Variants in RASGRF2 observed in about 807,000 individuals in gnomAD.
RASGRF2 encodes Ras protein specific guanine nucleotide releasing factor 2.
RASGRF2 carries 76 observed loss-of-function variants against 151.0 expected under a neutral mutation model. The observed-to-expected ratio is 0.50, with a 90% CI of 0.42 to 0.61. The LOEUF (loss-of-function observed/expected upper bound fraction) is 0.61. Among genes scored for constraint, RASGRF2 ranks in the 20% least tolerant of loss-of-function variants. The pLI is 0.00. For missense variants in RASGRF2, 1,148 were observed against 1,564.6 expected (o/e 0.73, Z 4.49); for synonymous variants, 504 against 566.5 (o/e 0.89, Z 1.57).
At chr5:81,049,686 A>G (rs1245692049) in intron 2 of RASGRF2, among the ~76,000 whole-genome samples, 1 of 152,090 alleles carries the variant, frequency 6.6e-6, no homozygotes, top group African/African-American at 2.4e-5. Context: ...ATACCATGCT[A>G]TGTGCATGAT....
chr5:81,085,563 T>C (rs545012311), intron 7 of RASGRF2, among the ~76,000 whole-genome samples: 1 of 152,370 alleles, frequency 6.6e-6, no homozygotes, highest in African/African-American at 2.4e-5. Context: ...CATCTCTTTG[T>C]ACCATAACAC....
intron 1 of RASGRF2, among the ~76,000 whole-genome samples, chr5:81,006,131 T>C (rs543025159): frequency 4.3e-4 from 65 of 152,364 alleles, no homozygotes; most frequent in Middle Eastern, 3.4e-3. Context: ...TAAAAATAAA[T>C]CTTTAAAAAT....
chr5:81,036,161 CT>C (rs1192069926), intron 1 of RASGRF2, among the ~76,000 whole-genome samples: 1 of 151,948 alleles, frequency 6.6e-6, no homozygotes, highest in African/African-American at 2.4e-5. Context: ...TCATTTTGGT[CT>C]TTTTTCTTTT....
In RASGRF2 at chr5:81,012,243, G is replaced by T. The variant is rs13176380; in HGVS notation, c.289-30634G>T. Among the ~76,000 whole-genome samples the T allele has an allele frequency of 1.4e-3, 206 of 152,016 alleles. 1 individual carries two copies. Among genetic ancestry groups the T allele is most frequent in the Middle Eastern group, 0.01 (3 of 294 alleles). On this transcript the variant is annotated intron_variant, in intron 1 of 26. Coordinates refer to ENST00000265080, the MANE Select transcript of RASGRF2 (RefSeq NM_006909.3). ...ATTTTTTTCTTGACCTTATTTACTT[G>T]GGTATGATGCTATCTGCCAGAGCTC...
chr5:81,036,679 TA>T (rs1750508426), intron 1 of RASGRF2, among the ~76,000 whole-genome samples: 1 of 152,158 alleles, frequency 6.6e-6, no homozygotes, highest in Non-Finnish European at 1.5e-5. Context: ...AATTTTTTTT[TA>T]ATCCCTAGTG....
chr5:81,031,312 T>G (rs1490167351), intron 1 of RASGRF2, among the ~76,000 whole-genome samples: 2 of 152,188 alleles, frequency 1.3e-5, no homozygotes, highest in Non-Finnish European at 2.9e-5. Context: ...AATAGACATC[T>G]ACAGAACTCT....
rs755408367 is a variant in RASGRF2, at chr5:81,180,157, GTTTC to G, written c.2687-14_2687-11del. 27 of 1,484,242 alleles carry G rather than the reference GTTTC, an allele frequency of 1.8e-5. 1 individual carries two copies. Among genetic ancestry groups the G allele is most frequent in the Middle Eastern group, 3.4e-4 (2 of 5,842 alleles). The allele number at this position is 1,484,242 out of a possible 1,614,324, so 91.9% of individuals were successfully genotyped here. On this transcript the variant is annotated splice_polypyrimidine_tract_variant and intron_variant, in intron 17 of 26. Transcript: ENST00000265080. The stretch of plus-strand genomic sequence containing the variant: ...GTGGCTTTAACTGCAACACGTGTGT[GTTTC>G]TTTTTCTCCTAAGGCTTTAACAACA...
At chr5:81,052,049 T>C (rs113922552) in intron 2 of RASGRF2, among the ~76,000 whole-genome samples, 95 of 152,362 alleles carry the variant, frequency 6.2e-4, no homozygotes, top group African/African-American at 2.2e-3. Context: ...TAATCTATTC[T>C]TGTTGAATTA....
chr5:81,006,703 A>T (rs1001149439), intron 1 of RASGRF2, among the ~76,000 whole-genome samples: 1 of 151,960 alleles, frequency 6.6e-6, no homozygotes, highest in South Asian at 2.1e-4. Context: ...CCCTTTCCCC[A>T]CTTCTCCGTC....
chr5:81,093,889 C>A (rs1053949843), intron 10 of RASGRF2, among the ~76,000 whole-genome samples: 1 of 152,000 alleles, frequency 6.6e-6, no homozygotes, highest in African/African-American at 2.4e-5. Context: ...AAAAAGTTTG[C>A]CTAGATAGGC....
chr5:81,152,452 T>A (rs1459876090), intron 17 of RASGRF2, among the ~76,000 whole-genome samples: 1 of 152,232 alleles, frequency 6.6e-6, no homozygotes, highest in Non-Finnish European at 1.5e-5. Context: ...AAGAAGGATA[T>A]ACAAATTTAA....
At chr5:81,109,540 C>T (rs574089399) in intron 13 of RASGRF2, among the ~76,000 whole-genome samples, 1 of 152,180 alleles carries the variant, frequency 6.6e-6, no homozygotes, top group Admixed American at 6.5e-5. Context: ...ATGGCGGACA[C>T]CTGTAATCCC....
intron 20 of RASGRF2, 41 bp from the exon 21 acceptor site, chr5:81,207,205 C>T: frequency 1.3e-6 from 2 of 1,568,390 alleles, no homozygotes; most frequent in Non-Finnish European, 1.8e-6. Flanking sequence ...TGGCAGGCGC[C>T]CTCTCCTGGG....
At position 81,188,694 on chromosome 5, in the gene RASGRF2, G is replaced by A. The variant is rs761026413; in HGVS notation, c.2793+8413G>A. 5.3e-5 allele frequency among the ~76,000 whole-genome samples: 8 copies of A among 152,292 alleles called. No individual in the cohort carries two copies. The East Asian group carries it at 9.6e-4, about 18-fold the overall frequency. On this transcript the variant is annotated intron_variant, in intron 18 of 26. Transcript: ENST00000265080. Reference sequence around the variant, plus strand: ...TAAGTCACTTACTGTGACTCCACTCGTTTGAGGGAGAGGAGGTCGATGTTG... The same window carrying A: ...TAAGTCACTTACTGTGACTCCACTCATTTGAGGGAGAGGAGGTCGATGTTG...
In RASGRF2 at chr5:81,113,657, C is replaced by T; in HGVS notation, c.2207C>T (p.Thr736Ile). The change falls in exon 15 of 27, where the codon ACA (threonine) becomes ATA (isoleucine). Residue 736 changes from threonine to isoleucine, a missense_variant. Coordinates refer to ENST00000265080, the MANE Select transcript of RASGRF2 (RefSeq NM_006909.3). ...CCGCCACCACTGGCTGTGTCCAGAA[C>T]ATCTTCCCCAGTGAGGGCCAGAAAG... ...SSPPPLAVSR[T>I]SSPVRARKLS... 1 of 1,612,982 alleles carries T rather than the reference C, an allele frequency of 6.2e-7. No individual in the cohort carries two copies. The highest frequency in any genetic ancestry group is 8.5e-7 in the Non-Finnish European group (1 of 1,178,954).
At chr5:80,997,549 CACTGAA>C (rs75293857) in intron 1 of RASGRF2, 24,031 of 153,284 alleles carry the variant, frequency 0.16, 1,929 homozygotes, top group South Asian at 0.21. Context: ...AATGGGAATT[CACTGAA>C]ACAGCAATAG....
At position 81,162,914 on chromosome 5, in the gene RASGRF2, T is replaced by C. The variant is rs112728412; in HGVS notation, c.2687-17261T>C. ...AGAAAGAAGGGCTGGAGGAGTAGGC[T>C]CCAGGCTGGGCATCTAGGAATCACT... On this transcript the variant is annotated intron_variant, in intron 17 of 26. Transcript: ENST00000265080. Among the ~76,000 whole-genome samples the C allele has an allele frequency of 3.7e-3, 567 of 152,124 alleles. 4 individuals are homozygous for C. The highest frequency in any genetic ancestry group is 0.013 in the African/African-American group (532 of 41,484).
intron 17 of RASGRF2, among the ~76,000 whole-genome samples, chr5:81,164,514 A>G (rs915529488): frequency 6.6e-6 from 1 of 151,470 alleles, no homozygotes; most frequent in South Asian, 2.1e-4. Flanking sequence ...ATTCATATTT[A>G]TATTAACCAA....
At chr5:81,119,488 A>T (rs577382781) in intron 15 of RASGRF2, among the ~76,000 whole-genome samples, 1 of 152,336 alleles carries the variant, frequency 6.6e-6, no homozygotes, top group South Asian at 2.1e-4. Context: ...ACACTGTTGC[A>T]TTGGAGTTTA....
Sources: allele counts gnomAD v4.1 joint callset (sites outside exome capture counted in the v4.1 genomes callset), GRCh38; gene constraint gnomAD v4.1.1; transcripts MANE v1.5; gene names NCBI Gene and HGNC (gene_info 2026-07-23, HGNC 2026-07-21).